The following SEC14L5 variants were observed in gnomAD, a reference collection of about 807,000 sequenced individuals.
SEC14L5 encodes SEC14-like protein 5.
SEC14L5 carries 96 observed loss-of-function variants against 84.6 expected under a neutral mutation model. The ratio of observed to expected loss-of-function variants is 1.13; its 90% CI spans 0.96 to 1.34. The LOEUF is 1.34. SEC14L5 is among the 40% of genes most tolerant of loss of function. The pLI, the probability that SEC14L5 is intolerant of heterozygous loss-of-function variation, is 0.00. For missense variants in SEC14L5, 1,224 were observed against 942.5 expected, an observed-to-expected ratio of 1.30 and a Z score of -3.91; for synonymous variants, 546 against 383.4, an observed-to-expected ratio of 1.42 and a Z score of -4.95.
At chr16:4,988,990 C>T (rs768371500) in intron 4 of SEC14L5, among the ~76,000 whole-genome samples, 3 of 152,198 alleles carry the variant, frequency 2.0e-5, no homozygotes, top group Non-Finnish European at 4.4e-5. Context: ...GGTAGGGGCA[C>T]TGAAGCTGAG....
chr16:4,979,896 C>T (rs1481416162), intron 2 of SEC14L5, among the ~76,000 whole-genome samples: 5 of 152,204 alleles, frequency 3.3e-5, no homozygotes, highest in Non-Finnish European at 7.3e-5. Flanking sequence ...CAGCCCACCC[C>T]GATCCTCACT....
chr16:5,014,843 C>T lies in SEC14L5; in HGVS notation c.1980-16C>T, dbSNP rs367958341. On this transcript the variant is annotated splice_polypyrimidine_tract_variant and intron_variant, in intron 15 of 15. Transcript: ENST00000251170. ...CACTGTGAGAGGGTAACGTGTGCCA[C>T]GCCCTTCCTCCCCAGGGGCTCCATG... is the stretch of plus-strand genomic sequence containing the variant. 230 of 1,602,134 alleles carry T rather than the reference C, an allele frequency of 1.4e-4. 1 individual carries two copies. In the East Asian group the frequency reaches 3.2e-3, roughly 22 times the overall value.
chr16:5,010,384 T>C (rs1277498272), intron 14 of SEC14L5, among the ~76,000 whole-genome samples: 1 of 151,452 alleles, frequency 6.6e-6, no homozygotes, highest in Admixed American at 6.6e-5. Context: ...AACAAAACTG[T>C]AGTCTTGGAA....
intron 4 of SEC14L5, among the ~76,000 whole-genome samples, chr16:4,989,807 G>C (rs1955533226): frequency 6.6e-6 from 1 of 152,118 alleles, no homozygotes; most frequent in South Asian, 2.1e-4. Context: ...AGCTGAGTCA[G>C]CAGCACCTGG....
intron 10 of SEC14L5, 88 bp downstream of exon 10, chr16:5,001,013 G>A: frequency 2.8e-6 from 3 of 1,062,864 alleles, no homozygotes; most frequent in Non-Finnish European, 4.2e-6. Flanking sequence ...GCTGGGCTGG[G>A]CAGCGTGCCA....
chr16:4,962,761 C>G (rs1476903970), intron 2 of SEC14L5, among the ~76,000 whole-genome samples: 1 of 151,176 alleles, frequency 6.6e-6, no homozygotes, highest in South Asian at 2.1e-4. Context: ...TCCAGAGGGA[C>G]TGCCACAACC....
chr16:5,002,765 C>T (rs1372550240), intron 10 of SEC14L5, among the ~76,000 whole-genome samples: 1 of 152,186 alleles, frequency 6.6e-6, no homozygotes, highest in African/African-American at 2.4e-5. Context: ...CAGAGAGGTT[C>T]AGGACTTGAC....
At chr16:4,996,596 TTC>T in intron 7 of SEC14L5, 136 bp downstream of exon 7, 1 of 628,610 alleles carries the variant, frequency 1.6e-6, no homozygotes, top group Non-Finnish European at 2.8e-6. Context: ...ATTCATTTAT[TTC>T]TGTGAGACAA....
intron 1 of SEC14L5, 29 bp downstream of exon 1, chr16:4,958,474 G>GGAGCCC (rs111818964): frequency 0.58 from 87,447 of 151,954 alleles, 26,048 homozygotes; most frequent in East Asian, 0.78. Flanking sequence ...GGCGGGCGCG[G>GGAGCCC]GTAAGCGCTC....
chr16:5,011,117 C>T lies in SEC14L5; in HGVS notation c.1823C>T (p.Pro608Leu). 2 of 1,606,528 alleles carry T rather than the reference C, an allele frequency of 1.2e-6. No homozygotes were observed. Among genetic ancestry groups the T allele is most frequent in the African/African-American group, 1.3e-5 (1 of 74,832 alleles). Reference sequence around the variant, plus strand: ...CAGGGCTCCCATGTGACCCGGTGGCCCGGCGTCTACCTGCTCCAGTGGCAA... The same window carrying T: ...CAGGGCTCCCATGTGACCCGGTGGCTCGGCGTCTACCTGCTCCAGTGGCAA... ...SIQGSHVTRW[P>L]GVYLLQWQMH... The change falls in exon 15 of 16, where the codon CCC (proline) becomes CTC (leucine). Residue 608 changes from proline to leucine, a missense_variant. Physicochemically the swap from Pro to Leu is moderately conservative, Grantham distance 98. Coordinates refer to ENST00000251170, the MANE Select transcript of SEC14L5 (RefSeq NM_014692.2).
At chr16:4,984,895 T>C (rs77065033) in intron 2 of SEC14L5, among the ~76,000 whole-genome samples, 3,598 of 152,354 alleles carry the variant, frequency 0.024, 54 homozygotes, top group Middle Eastern at 0.082. Context: ...CATCTCTTTA[T>C]TGTTGAATTC....
intron 10 of SEC14L5, 82 bp from the exon 11 acceptor site, chr16:5,003,320 C>G (rs1955696252): frequency 9.1e-7 from 1 of 1,097,726 alleles, no homozygotes; most frequent in Non-Finnish European, 1.4e-6. Flanking sequence ...TCGGAGCCTC[C>G]CTGTTCATCC....
chr16:4,998,285 G>A (rs1955635311), intron 8 of SEC14L5, among the ~76,000 whole-genome samples: 2 of 151,486 alleles, frequency 1.3e-5, no homozygotes, highest in South Asian at 2.1e-4. Context: ...GGGATTACAG[G>A]AGTGAGCCAC....
chr16:4,969,318 G>A (rs1955245587), intron 2 of SEC14L5, among the ~76,000 whole-genome samples: 1 of 152,038 alleles, frequency 6.6e-6, no homozygotes, highest in Non-Finnish European at 1.5e-5. Flanking sequence ...CGAAGGCTGT[G>A]CGAGGTGGAT....
intron 2 of SEC14L5, among the ~76,000 whole-genome samples, chr16:4,983,877 CAAAT>C (rs71139670): frequency 0.5 from 72,344 of 143,690 alleles, 18,289 homozygotes; most frequent in East Asian, 0.74. Flanking sequence ...AACTCTGTCT[CAAAT>C]AAATAAATAA....
chr16:4,986,862 C>G (rs1955493186), intron 2 of SEC14L5, among the ~76,000 whole-genome samples: 1 of 152,032 alleles, frequency 6.6e-6, no homozygotes, highest in African/African-American at 2.4e-5. Context: ...ACTGATTTTT[C>G]TATATTGGTT....
chr16:4,992,290 T>A (rs2908684), intron 6 of SEC14L5, among the ~76,000 whole-genome samples: 8 of 151,944 alleles, frequency 5.3e-5, no homozygotes, highest in Non-Finnish European at 1.0e-4. Context: ...CCCCTATGTC[T>A]CCCAGGCTGG....
intron 15 of SEC14L5, 143 bp from the exon 16 acceptor site, chr16:5,014,716 T>A: frequency 1.6e-6 from 1 of 627,548 alleles, no homozygotes; most frequent in Non-Finnish European, 2.8e-6. Context: ...TTTCTCTTCA[T>A]GGCGTCACTT....
chr16:4,968,969 G>A (rs988601670), intron 2 of SEC14L5, among the ~76,000 whole-genome samples: 7 of 152,252 alleles, frequency 4.6e-5, no homozygotes, highest in Non-Finnish European at 1.0e-4. Flanking sequence ...AATTATTGTG[G>A]CTTAGGCCAA....
Sources: gnomAD v4.1 joint callset for allele counts (sites outside exome capture counted in the v4.1 genomes callset) on GRCh38, gnomAD v4.1.1 for gene constraint, MANE v1.5 for transcripts, NCBI Gene and HGNC (gene_info 2026-07-23, HGNC 2026-07-21) for gene names.